Variants in KIAA0753 observed in about 807,000 individuals in gnomAD.
The protein encoded by KIAA0753 is KIAA0753.
In KIAA0753, 114 loss-of-function variants were observed where a neutral mutation model predicts 116.9. The observed-to-expected ratio is 0.98, with a 90% CI of 0.84 to 1.14. The LOEUF is 1.14. Among genes scored for constraint, KIAA0753 ranks in the 50% most tolerant of loss-of-function variants. The pLI, the probability that KIAA0753 is intolerant of heterozygous loss-of-function variation, is 0.00. For synonymous variants in KIAA0753, 405 were observed against 413.1 expected (o/e 0.98, Z 0.24); for missense variants, 1,156 against 1,172.4 (o/e 0.99, Z 0.20).
In KIAA0753 at chr17:6,635,138, T is replaced by G; in HGVS notation, c.-35A>C. ...TAGTACAGAACAATAGTGACAGCCT[T>G]GTCATCCGGCAACAGTCTTCCCTAA... On this transcript the variant is annotated 5_prime_UTR_variant, in exon 2 of 19. Transcript: ENST00000361413. The G allele has an allele frequency of 6.8e-7, 1 of 1,464,152 alleles. No homozygotes were observed. The highest frequency in any genetic ancestry group is 9.6e-7 in the Non-Finnish European group (1 of 1,043,820). The allele number at this position is 1,464,152 out of a possible 1,614,324, so 90.7% of individuals were successfully genotyped here.
intron 12 of KIAA0753, 44 bp downstream of exon 12, chr17:6,606,829 A>G: frequency 2.0e-6 from 3 of 1,532,934 alleles, no homozygotes; most frequent in Non-Finnish European, 2.7e-6. Flanking sequence ...GATCAATTAG[A>G]ACAGGCAAAC....
chr17:6,600,258 G>A (rs77046959), intron 13 of KIAA0753, 122 bp downstream of exon 13: 8 of 727,798 alleles, frequency 1.1e-5, no homozygotes, highest in African/African-American at 3.5e-5. Context: ...TGGTCTGGGG[G>A]TATCTTCCAG....
At chr17:6,598,416 A>C (rs1969623236) in intron 14 of KIAA0753, among the ~76,000 whole-genome samples, 1 of 152,210 alleles carries the variant, frequency 6.6e-6, no homozygotes, top group African/African-American at 2.4e-5. Context: ...TACAGCTGAA[A>C]TATTGCTTAA....
intron 5 of KIAA0753, 104 bp from the exon 6 acceptor site, chr17:6,623,201 T>G: frequency 8.7e-7 from 1 of 1,152,256 alleles, no homozygotes; most frequent in Non-Finnish European, 1.2e-6. Flanking sequence ...CTGTATAAAG[T>G]GCTTTCTATT....
At chr17:6,609,059 C>T (rs115523716) in intron 9 of KIAA0753, among the ~76,000 whole-genome samples, 3,141 of 152,320 alleles carry the variant, frequency 0.021, 104 homozygotes, top group African/African-American at 0.07. Context: ...CTGGCTGTTA[C>T]ATGAATAAGA....
Position 6,628,503 on chromosome 17 carries a change from C to T in KIAA0753, c.332G>A (p.Arg111Lys). The T allele has an allele frequency of 6.2e-7, 1 of 1,614,166 alleles. No homozygotes were observed. The highest frequency in any genetic ancestry group is 8.5e-7 in the Non-Finnish European group (1 of 1,180,028). ...VHLARRDVKR[R>K]QFEKHIKEHH... is the part of the protein sequence containing the mutation. ...TTCTTTTATATGTTTTTCAAATTGT[C>T]TTCGTTTCACATCTCTTCTGGCTAG... is the stretch of plus-strand genomic sequence containing the variant. Residue 111 changes from arginine (R) to lysine (K), a missense_variant, in exon 3 of 19, where the codon AGA (arginine) becomes AAA (lysine). Arg to Lys is a conservative substitution (Grantham distance 26). Transcript: ENST00000361413.
intron 7 of KIAA0753, among the ~76,000 whole-genome samples, chr17:6,619,716 C>A (rs1057078367): frequency 3.9e-5 from 6 of 152,002 alleles, no homozygotes; most frequent in Non-Finnish European, 8.8e-5. Context: ...CGTGAGCCAC[C>A]ACACCCAACT....
At chr17:6,631,286 T>C (rs543923564) in intron 2 of KIAA0753, among the ~76,000 whole-genome samples, 3 of 152,376 alleles carry the variant, frequency 2.0e-5, no homozygotes, top group Admixed American at 1.3e-4. Context: ...TTGGACTATA[T>C]GCCGTCAGGC....
At chr17:6,590,387 T>G in intron 17 of KIAA0753, 123 bp downstream of exon 17, 2 of 1,170,342 alleles carry the variant, frequency 1.7e-6, no homozygotes, top group Non-Finnish European at 2.4e-6. Context: ...ATCTTGGAGT[T>G]TGGCAAGATC....
rs72830355 is a variant in KIAA0753 at position 6,582,927 on chromosome 17, G to A, written c.2787-3063C>T. 9.0e-3 allele frequency among the ~76,000 whole-genome samples: 1,377 copies of A among 152,200 alleles called. 8 individuals are homozygous for A. The highest frequency in any genetic ancestry group is 0.024 in the Middle Eastern group (7 of 294). ...TATTGTTACTGTATATTTTAAACGT[G>A]TGAGTACACATACACACGCATCCAT... On this transcript the variant is annotated intron_variant, in intron 18 of 18. Transcript: ENST00000361413.
In KIAA0753 at chr17:6,599,292, A is replaced by AT. The variant is rs1381826845; in HGVS notation, c.2116dup (p.Ile706AsnfsTer24). Reference sequence around the variant, plus strand: ...TACTGACGAGCCATCTTTCAAATGAATATTTGCTTCTGTAGTAGAATTGAC... The same window carrying AT: ...TACTGACGAGCCATCTTTCAAATGAATTATTTGCTTCTGTAGTAGAATTGAC... On this transcript the variant is annotated frameshift_variant, in exon 14 of 19. Coordinates refer to ENST00000361413, the MANE Select transcript of KIAA0753 (RefSeq NM_014804.3). LOFTEE classifies it high-confidence loss of function. The AT allele has an allele frequency of 1.2e-6, 2 of 1,613,502 alleles. No individual in the cohort carries two copies. Among genetic ancestry groups the AT allele is most frequent in the Non-Finnish European group, 1.7e-6 (2 of 1,179,586 alleles).
chr17:6,608,385 T>C lies in KIAA0753; in HGVS notation c.1792A>G (p.Ser598Gly), dbSNP rs778485219. Residue 598 changes from serine (S) to glycine (G), a missense_variant, in exon 10 of 19, where the codon AGT becomes GGT. Coordinates refer to ENST00000361413, the MANE Select transcript of KIAA0753 (RefSeq NM_014804.3). ...TGCTCAACAGCACCTGTCAGGTGAC[T>C]TTCCTCTTGAGGATCTTCTTGCTGG... ...PLQQEDPQEE[S>G]HLTGAVEHEA... is the part of the protein sequence containing the mutation. 9 of 1,557,686 alleles carry C rather than the reference T, an allele frequency of 5.8e-6. No individual in the cohort carries two copies. The highest frequency in any genetic ancestry group is 1.8e-5 in the Admixed American group (1 of 55,258).
In KIAA0753 at chr17:6,628,573, A is replaced by C; in HGVS notation, c.262T>G (p.Ser88Ala). The change falls in exon 3 of 19, where the codon TCA (serine) becomes GCA (alanine). Residue 88 changes from serine to alanine, a missense_variant. By Grantham distance (99) the Ser-to-Ala change is moderately conservative (BLOSUM62 1). Transcript: ENST00000361413. ...RVGPDLGSSV[S>A]FSVISQERLS... ...CTCTCTTGGGATATGACGGAAAATGAAACAGAACTGCCCAGGTCAGGACCA... is the reference window on the plus strand; with the variant it reads ...CTCTCTTGGGATATGACGGAAAATGCAACAGAACTGCCCAGGTCAGGACCA... 1 of 1,614,214 alleles carries C rather than the reference A, an allele frequency of 6.2e-7. No individual in the cohort carries two copies. Among genetic ancestry groups the C allele is most frequent in the Admixed American group, 1.7e-5 (1 of 60,030 alleles).
chr17:6,629,982 C>T (rs9911559), intron 2 of KIAA0753, among the ~76,000 whole-genome samples: 57,797 of 151,882 alleles, frequency 0.38, 11,303 homozygotes, highest in Non-Finnish European at 0.43. Flanking sequence ...ATTAGGTAGG[C>T]GTGATGGCAC....
chr17:6,591,049 A>AGAAGGAAGAAGGAAGAAG (rs1555524031), intron 16 of KIAA0753, among the ~76,000 whole-genome samples: 43 of 29,634 alleles, frequency 1.5e-3, no homozygotes, highest in Middle Eastern at 0.017. Flanking sequence ...AGGAAGAAGA[A>AGAAGGAAGAAGGAAGAAG]GAAGAAGAAG....
At position 6,623,019 on chromosome 17, in the gene KIAA0753, C is replaced by G; in HGVS notation, c.967G>C (p.Asp323His). 6.2e-7 allele frequency: 1 copy of G among 1,614,124 alleles called. No homozygotes were observed. Residue 323 changes from aspartate (D) to histidine (H), a missense_variant, in exon 6 of 19, where the codon GAC (aspartate) becomes CAC (histidine). Asp to His is a moderately conservative substitution (Grantham distance 81). Coordinates refer to ENST00000361413, the MANE Select transcript of KIAA0753 (RefSeq NM_014804.3). ...GCAGGAAGTGGATGCTCCCCTCGGT[C>G]AGTAAACTGAGTGACAAACATCTGT... ...ALQMFVTQFTDRGEHPLPARC... is the reference protein window; with the variant it reads ...ALQMFVTQFTHRGEHPLPARC...
chr17:6,634,148 G>A (rs2150924435), intron 2 of KIAA0753, among the ~76,000 whole-genome samples: 1 of 150,410 alleles, frequency 6.6e-6, no homozygotes, highest in East Asian at 2.0e-4. Flanking sequence ...TGTCACCCAG[G>A]GTGGAGTGCA....
chr17:6,583,030 C>T (rs1968295768), intron 18 of KIAA0753, among the ~76,000 whole-genome samples: 1 of 152,184 alleles, frequency 6.6e-6, no homozygotes, highest in Admixed American at 6.5e-5. Context: ...TCATGCCTCC[C>T]TATATTTCTG....
At chr17:6,579,894 T>C (rs1244135196) in intron 18 of KIAA0753, 30 bp from the exon 19 acceptor site, 1 of 1,563,106 alleles carries the variant, frequency 6.4e-7, no homozygotes, top group Non-Finnish European at 8.8e-7. Flanking sequence ...ACTAAAGGTA[T>C]GTACAAGGCC....
Sources: gnomAD v4.1 joint callset for allele counts (sites outside exome capture counted in the v4.1 genomes callset) on GRCh38, gnomAD v4.1.1 for gene constraint, MANE v1.5 for transcripts, NCBI Gene and HGNC (gene_info 2026-07-23, HGNC 2026-07-21) for gene names.